Variants in RIMBP2 observed in about 807,000 individuals in gnomAD.
RIMBP2 encodes RIMS-binding protein 2.
RIMBP2 carries 48 observed loss-of-function variants against 118.6 expected under a neutral mutation model. That is an observed-to-expected ratio of 0.40 (90% CI 0.32 to 0.51). RIMBP2 has a LOEUF of 0.51. RIMBP2 is among the 20% of genes least tolerant of loss of function. The probability of loss-of-function intolerance (pLI) is 0.41; values close to 1 mark genes in which losing one functional copy is unlikely to be tolerated. For missense variants in RIMBP2, 1,551 were observed against 1,768.3 expected (o/e 0.88, Z 2.20); for synonymous variants, 762 against 742.9 (o/e 1.03, Z -0.42).
intron 2 of RIMBP2, among the ~76,000 whole-genome samples, chr12:130,534,064 G>A (rs2053755444): frequency 6.6e-6 from 1 of 151,628 alleles, no homozygotes; most frequent in Admixed American, 6.6e-5. Flanking sequence ...TACTCTGGAG[G>A]CTGAAGCAGG....
chr12:130,601,077 C>A (rs1386503393), intron 2 of RIMBP2, among the ~76,000 whole-genome samples: 1 of 152,148 alleles, frequency 6.6e-6, no homozygotes, highest in Non-Finnish European at 1.5e-5. Context: ...GCTCAACTCA[C>A]GGTGAGCATT....
At position 130,545,718 on chromosome 12, in the gene RIMBP2, G is replaced by A. The variant is rs531944757; in HGVS notation, c.-216-27801C>T. Among the ~76,000 whole-genome samples, 12 of 152,286 alleles carry A rather than the reference G, an allele frequency of 7.9e-5. No individual in the cohort carries two copies. In the South Asian group the frequency reaches 1.0e-3, roughly 13 times the overall value. The stretch of plus-strand genomic sequence containing the variant: ...CGTCTGGGGAGGAGAGGGGAGCGCC[G>A]TGCTAAGGGGCTTACGCAGAATCTT... On this transcript the variant is annotated intron_variant, in intron 2 of 22. Transcript: ENST00000690449.
intron 2 of RIMBP2, among the ~76,000 whole-genome samples, chr12:130,529,820 A>C (rs1215571333): frequency 6.6e-6 from 1 of 152,012 alleles, no homozygotes; most frequent in African/African-American, 2.4e-5. Flanking sequence ...AGGTTCTCAT[A>C]AGGAGTGTGC....
chr12:130,627,462 A>G (rs778001221), intron 2 of RIMBP2, among the ~76,000 whole-genome samples: 6 of 152,210 alleles, frequency 3.9e-5, no homozygotes, highest in Non-Finnish European at 8.8e-5. Context: ...CAAACATTTC[A>G]CAAGGAATGA....
chr12:130,450,264 G>A lies in RIMBP2; in HGVS notation c.517C>T (p.Arg173Trp), dbSNP rs201181586. ...CTCTGCTTGGAGGTATTGGAATTCC[G>A]TTCATTCTCCATCTGTGAAAAAGGC... ...CRSESDMENE[R>W]NSNTSKQRYS... The change falls in exon 9 of 23, where the codon CGG becomes TGG. Residue 173 changes from arginine (R) to tryptophan (W), a missense_variant. Arg to Trp is a moderately radical substitution (Grantham distance 101, BLOSUM62 -3). This residue lies in a region of RIMBP2 where 239 missense variants were observed against 256.8 expected (regional missense o/e 0.93). Transcript: ENST00000690449. This position sits in a 1 kb window ranked among gnomAD's most constrained non-coding sequence, Gnocchi z 4.8. 2.4e-5 allele frequency: 39 copies of A among 1,607,424 alleles called. No homozygotes were observed. Among genetic ancestry groups the A allele is most frequent in the South Asian group, 1.8e-4 (16 of 89,874 alleles).
Position 130,450,428 on chromosome 12 carries a change from A to C in RIMBP2, c.505-152T>G. On this transcript the variant is annotated intron_variant, in intron 8 of 22. Coordinates refer to ENST00000690449, the MANE Select transcript of RIMBP2 (RefSeq NM_001393629.1). The surrounding 1 kb of genome is among the most constrained non-coding windows in gnomAD (Gnocchi z 4.8). The stretch of plus-strand genomic sequence containing the variant: ...TCCCAGGAGGCACTGCCACCCGCAC[A>C]CCCACATGCGAGCTTGGAAAGGAGG... 1 of 642,092 alleles carries C rather than the reference A, an allele frequency of 1.6e-6. No individual in the cohort carries two copies. Among genetic ancestry groups the C allele is most frequent in the Admixed American group, 2.2e-5 (1 of 44,740 alleles). The allele number at this position is 642,092 out of a possible 1,614,324, so 39.8% of individuals were successfully genotyped here.
chr12:130,432,514 C>A (rs2077214840), intron 14 of RIMBP2, among the ~76,000 whole-genome samples: 1 of 152,148 alleles, frequency 6.6e-6, no homozygotes, highest in Non-Finnish European at 1.5e-5. Flanking sequence ...ACCTTAACCC[C>A]CAGTGTGACT....
chr12:130,533,071 A>G (rs1381751954), intron 2 of RIMBP2, among the ~76,000 whole-genome samples: 1,044 of 94,262 alleles, frequency 0.011, no homozygotes, highest in Middle Eastern at 0.027. Flanking sequence ...TGAGATGCGT[A>G]TGTTTAGCCT....
rs2074100607 is a variant in RIMBP2, at chr12:130,396,685, T to C, written c.*676A>G. On this transcript the variant is annotated 3_prime_UTR_variant, in exon 23 of 23. Coordinates refer to ENST00000690449, the MANE Select transcript of RIMBP2 (RefSeq NM_001393629.1). ...CTGGAAGGTTGGAGTACTGGTGCTTTACCAAACAAAGTTACTTTCTCTCCT... is the reference window on the plus strand; with the variant it reads ...CTGGAAGGTTGGAGTACTGGTGCTTCACCAAACAAAGTTACTTTCTCTCCT... 6.5e-6 allele frequency: 1 copy of C among 152,798 alleles called. No homozygotes were observed. The highest frequency in any genetic ancestry group is 2.1e-4 in the South Asian group (1 of 4,830). The allele number at this position is 152,798 out of a possible 1,614,324, so 9.5% of individuals were successfully genotyped here.
At chr12:130,656,898 T>C (rs2063454844) in intron 1 of RIMBP2, among the ~76,000 whole-genome samples, 1 of 151,952 alleles carries the variant, frequency 6.6e-6, no homozygotes, top group African/African-American at 2.4e-5. Flanking sequence ...AACAGAATGA[T>C]ACCCTGTCAA....
intron 1 of RIMBP2, among the ~76,000 whole-genome samples, chr12:130,660,872 C>T (rs2063629904): frequency 6.6e-6 from 1 of 152,196 alleles, no homozygotes; most frequent in Admixed American, 6.5e-5. Flanking sequence ...GCCAGGCAGA[C>T]TTGTATTCAG....
intron 7 of RIMBP2, among the ~76,000 whole-genome samples, chr12:130,455,183 C>T (rs576422788): frequency 2.2e-4 from 33 of 152,362 alleles, no homozygotes; most frequent in African/African-American, 6.5e-4. Flanking sequence ...CATGGAGACA[C>T]GTGCATTCTG....
At chr12:130,690,726 C>G (rs188867984) in intron 1 of RIMBP2, among the ~76,000 whole-genome samples, 1 of 152,028 alleles carries the variant, frequency 6.6e-6, no homozygotes, top group African/African-American at 2.4e-5. Flanking sequence ...CTCCAAACAC[C>G]GAGGAAAATG....
chr12:130,714,854 A>C (rs1950215819), intron 1 of RIMBP2, among the ~76,000 whole-genome samples: 1 of 152,088 alleles, frequency 6.6e-6, no homozygotes, highest in African/African-American at 2.4e-5. Context: ...GATGAGTCTG[A>C]AGCTGATTCC....
intron 1 of RIMBP2, chr12:130,660,789 A>G (rs1445687949): frequency 2.0e-5 from 3 of 151,948 alleles, no homozygotes; most frequent in Non-Finnish European, 4.4e-5. Flanking sequence ...CCCATGTGCA[A>G]TTTCACATGG....
In RIMBP2 at chr12:130,431,679, C is replaced by T. The variant is rs73150899; in HGVS notation, c.2253+3055G>A. ...TTTTTAAATTTTAATAGAAACAGAC[C>T]TGTTTGCTCTGTTAAAAAACAAAAC... On this transcript the variant is annotated intron_variant, in intron 14 of 22. Coordinates refer to ENST00000690449, the MANE Select transcript of RIMBP2 (RefSeq NM_001393629.1). The surrounding 1 kb of genome is among the most constrained non-coding windows in gnomAD (Gnocchi z 4.0). 0.056 allele frequency: 8,617 copies of T among 154,800 alleles called. 333 individuals are homozygous for T. The highest frequency in any genetic ancestry group is 0.083 in the Middle Eastern group (25 of 302). 9.6% of individuals were successfully genotyped at this position (154,800 alleles called of 1,614,324 possible). A position where few individuals can be genotyped will look rare whatever the true frequency, so the allele number is the denominator to read the frequency against.
intron 12 of RIMBP2, 30 bp downstream of exon 12, chr12:130,438,335 A>ACGGGGGCCCCCCCCCC: frequency 1.2e-6 from 1 of 865,012 alleles, no homozygotes; most frequent in Non-Finnish European, 1.9e-6. Context: ...GGCCTAACAA[A>ACGGGGGCCCCCCCCCC]CCCTCCCCAC....
chr12:130,538,413 T>TCA (rs2054265698), intron 2 of RIMBP2, among the ~76,000 whole-genome samples: 1 of 151,946 alleles, frequency 6.6e-6, no homozygotes, highest in African/African-American at 2.4e-5. Context: ...CTGGGATCCC[T>TCA]CAGAAACCTC....
chr12:130,456,838 T>G (rs1001376267), intron 6 of RIMBP2, 138 bp from the exon 7 acceptor site: 2 of 646,156 alleles, frequency 3.1e-6, no homozygotes, highest in African/African-American at 3.6e-5. Context: ...TCTGTGAAAA[T>G]GCATGTGTGG....
Sources: gnomAD v4.1 joint callset for allele counts (sites outside exome capture counted in the v4.1 genomes callset) on GRCh38, gnomAD v4.1.1 for gene constraint, gnomAD v4.1.1 regional missense constraint, Gnocchi (gnomAD v3.1) non-coding constraint, MANE v1.5 for transcripts, NCBI Gene and HGNC (gene_info 2026-07-23, HGNC 2026-07-21) for gene names.